ZNF320: variants seen among roughly 807,000 people sequenced by gnomAD.
ZNF320 encodes the protein zinc finger gene 320.
In ZNF320, 2 loss-of-function variants were observed where a neutral mutation model predicts 6.8. The observed-to-expected ratio is 0.29, with a 90% CI of 0.12 to 0.93. The LOEUF is 0.93. Among genes scored for constraint, ZNF320 ranks in the 40% least tolerant of loss-of-function variants. The pLI is 0.55. For synonymous variants in ZNF320, 208 were observed against 203.2 expected, an observed-to-expected ratio of 1.02 and a Z score of -0.20; for missense variants, 472 against 611.0, an observed-to-expected ratio of 0.77 and a Z score of 2.40.
intron 5 of ZNF320, among the ~76,000 whole-genome samples, chr19:52,870,747 C>G (rs4803016): frequency 0.18 from 27,022 of 151,934 alleles, 2,962 homozygotes; most frequent in Non-Finnish European, 0.24. Context: ...GCCTGGGCAA[C>G]AGAGGGAGAC....
chr19:52,864,308 C>T (rs10407970), intron 5 of ZNF320: 78,597 of 153,814 alleles, frequency 0.51, 20,608 homozygotes, highest in African/African-American at 0.61. Flanking sequence ...TTTTCTCTAT[C>T]GTTGCATTTT....
In ZNF320 at chr19:52,881,267, C is replaced by G; in HGVS notation, c.859G>C (p.Val287Leu). ...ECGKTFARNSVLVIHKAVHTA... is the reference protein window; with the variant it reads ...ECGKTFARNSLLVIHKAVHTA... ...TGAACTGCCTTATGAATTACGAGGACTGAATTTCGAGCGAAGGTCTTGCCA... is the reference window on the plus strand; with the variant it reads ...TGAACTGCCTTATGAATTACGAGGAGTGAATTTCGAGCGAAGGTCTTGCCA... The change falls in exon 6 of 6, where the codon GTC (valine) becomes CTC (leucine). Residue 287 changes from valine to leucine, a missense_variant. Val to Leu is a conservative substitution (Grantham distance 32). This residue lies in a region of ZNF320 where 462 missense variants were observed against 559.7 expected (regional missense o/e 0.83). Coordinates refer to ENST00000682928, the MANE Select transcript of ZNF320 (RefSeq NM_001351774.2). 1 of 1,613,820 alleles carries G rather than the reference C, an allele frequency of 6.2e-7. No homozygotes were observed. Among genetic ancestry groups the G allele is most frequent in the Non-Finnish European group, 8.5e-7 (1 of 1,179,978 alleles).
chr19:52,896,431 G>A (rs1292403666), intron 1 of ZNF320, among the ~76,000 whole-genome samples: 1 of 152,116 alleles, frequency 6.6e-6, no homozygotes, highest in African/African-American at 2.4e-5. Flanking sequence ...GAAACAAGGC[G>A]GGCATGGTGG....
At position 52,880,679 on chromosome 19, in the gene ZNF320, G is replaced by A. The variant is rs1265160273; in HGVS notation, c.1447C>T (p.Leu483Phe). Reference protein sequence around the residue: ...QCGKVFSLRSLLAEHQKIPFG... With the variant: ...QCGKVFSLRSFLAEHQKIPFG... ...GGAATTTTCTGATGTTCTGCAAGGA[G>A]TGACCTCAGACTAAAGACCTTGCCA... is the stretch of plus-strand genomic sequence containing the variant. The change falls in exon 6 of 6, where the codon CTC (leucine) becomes TTC (phenylalanine). Residue 483 changes from leucine (L) to phenylalanine (F), a missense_variant. This residue lies in a region of ZNF320 where 462 missense variants were observed against 559.7 expected (regional missense o/e 0.83). Transcript: ENST00000682928. 1 of 1,613,828 alleles carries A rather than the reference G, an allele frequency of 6.2e-7. No homozygotes were observed. Among genetic ancestry groups the A allele is most frequent in the African/African-American group, 1.3e-5 (1 of 74,934 alleles).
downstream of ZNF320, among the ~76,000 whole-genome samples, chr19:52,875,218 A>G (rs969898258): frequency 9.2e-5 from 14 of 152,040 alleles, no homozygotes; most frequent in African/African-American, 2.4e-4. Context: ...CATCTGAGAC[A>G]TGTAGGACTG....
At position 52,877,618 on chromosome 19, in the gene ZNF320, G is replaced by A. The variant is rs190519503; in HGVS notation, c.*2978C>T. The A allele has an allele frequency of 1.3e-5, 2 of 152,210 alleles. No homozygotes were observed. The highest frequency in any genetic ancestry group is 1.9e-4 in the East Asian group (1 of 5,168). 9.4% of individuals were successfully genotyped at this position (152,210 alleles called of 1,614,324 possible). ...TTAGGGTGGAGATCTTGAGGTTCCCGGTTTGGGAGGGGCATATGTAGCTTT... is the reference window on the plus strand; with the variant it reads ...TTAGGGTGGAGATCTTGAGGTTCCCAGTTTGGGAGGGGCATATGTAGCTTT... On this transcript the variant is annotated 3_prime_UTR_variant, in exon 6 of 6. Coordinates refer to ENST00000682928, the MANE Select transcript of ZNF320 (RefSeq NM_001351774.2).
upstream of ZNF320, among the ~76,000 whole-genome samples, chr19:52,897,903 C>T (rs2064524401): frequency 6.6e-6 from 1 of 152,196 alleles, no homozygotes; most frequent in Non-Finnish European, 1.5e-5. Context: ...CTGAGCTTTC[C>T]TCCATCTCGC....
Position 52,881,871 on chromosome 19 carries a change from A to G in ZNF320, c.255T>C (p.Phe85=), listed in dbSNP as rs369319379. 6.2e-7 allele frequency: 1 copy of G among 1,613,924 alleles called. No homozygotes were observed. The highest frequency in any genetic ancestry group is 8.5e-7 in the Non-Finnish European group (1 of 1,179,858). ...TGTCTTTCTCAATTTCCTGGGAGCA[A>G]AATGCTCCAATGTGATAACTTGCTT... is the stretch of plus-strand genomic sequence containing the variant. ...QRQASYHIGA[F]CSQEIEKDIH... Residue 85 remains phenylalanine (F), a synonymous_variant, in exon 6 of 6, where the codon TTT becomes TTC. Transcript: ENST00000682928.
upstream of ZNF320, among the ~76,000 whole-genome samples, chr19:52,901,914 ATTTT>A (rs34240773): frequency 6.8e-6 from 1 of 147,854 alleles, no homozygotes; most frequent in African/African-American, 2.5e-5. Context: ...TTCAACTGCC[ATTTT>A]TTTTTTTCTT....
chr19:52,874,313 CCTTCAGGACACAGAT>C (rs1239659078), downstream of ZNF320: 1 of 165,356 alleles, frequency 6.0e-6, no homozygotes, highest in East Asian at 1.8e-4. Flanking sequence ...AGGACACAGA[CCTTCAGGACACAGAT>C]CTGGCCCTAA....
Position 52,881,386 on chromosome 19 carries a change from C to A in ZNF320, c.740G>T (p.Cys247Phe). The change falls in exon 6 of 6, where the codon TGT becomes TTT. Residue 247 changes from cysteine to phenylalanine, a missense_variant. Physicochemically the swap from Cys to Phe is radical, Grantham distance 205. Around this residue, in one of 2 missense-constraint regions of ZNF320, gnomAD observed 462 missense variants for 559.7 expected, o/e 0.83. Transcript: ENST00000682928. ...ACTAAAGGTCTTGCCACACTCATTA[C>A]ACTTATAAGGTTTCTCTCCAGTATG... ...RSHTGEKPYK[C>F]NECGKTFSQT... is the part of the protein sequence containing the mutation. 7.4e-6 allele frequency: 12 copies of A among 1,614,058 alleles called. No homozygotes were observed. The highest frequency in any genetic ancestry group is 9.3e-6 in the Non-Finnish European group (11 of 1,179,984).
At chr19:52,887,390 A>G (rs973893692) in intron 5 of ZNF320, among the ~76,000 whole-genome samples, 3 of 152,312 alleles carry the variant, frequency 2.0e-5, no homozygotes, top group African/African-American at 4.8e-5. Flanking sequence ...CCAGCCCTAT[A>G]TTTCTGTAGG....
Position 52,881,124 on chromosome 19 carries a change from G to C in ZNF320, c.1002C>G (p.Cys334Trp). ...TGEKPYRCEECDKVFSRKSHL... is the reference protein window; with the variant it reads ...TGEKPYRCEEWDKVFSRKSHL... ...GTGATTTGCGACTGAAAACTTTGTC[G>C]CATTCTTCACATCTGTAAGGTTTCT... is the stretch of plus-strand genomic sequence containing the variant. Residue 334 changes from cysteine (C) to tryptophan (W), a missense_variant, in exon 6 of 6, where the codon TGC (cysteine) becomes TGG (tryptophan). Transcript: ENST00000682928. 6.2e-7 allele frequency: 1 copy of C among 1,613,236 alleles called. No individual in the cohort carries two copies.
chr19:52,872,750 C>G (rs2063702069), downstream of ZNF320, among the ~76,000 whole-genome samples: 1 of 152,124 alleles, frequency 6.6e-6, no homozygotes, highest in African/African-American at 2.4e-5. Context: ...ATCTGCCTGC[C>G]TCGGCCTCCC....
intron 5 of ZNF320, among the ~76,000 whole-genome samples, chr19:52,865,700 T>C (rs2063544805): frequency 7.7e-6 from 1 of 129,960 alleles, no homozygotes; most frequent in Non-Finnish European, 1.5e-5. Flanking sequence ...ATTATACATA[T>C]ATTTATATAT....
intron 5 of ZNF320, chr19:52,865,539 G>A (rs113582015): frequency 8.1e-6 from 1 of 122,930 alleles, no homozygotes; most frequent in African/African-American, 3.5e-5. Flanking sequence ...ATTTATATAT[G>A]ATTATACATA....
chr19:52,898,268 C>T (rs1028395103), upstream of ZNF320, among the ~76,000 whole-genome samples: 2 of 152,158 alleles, frequency 1.3e-5, no homozygotes, highest in Non-Finnish European at 2.9e-5. Context: ...TCAGGGCCAC[C>T]GCCTGGGGTG....
intron 5 of ZNF320, chr19:52,865,477 T>TATATATATATATATGTAATAC (rs1568692755): frequency 2.3e-5 from 1 of 43,986 alleles, no homozygotes; most frequent in African/African-American, 8.2e-5. Flanking sequence ...ATATTACATA[T>TATATATATATATATGTAATAC]ATATATAATA....
chr19:52,869,149 T>C (rs1038787065), intron 5 of ZNF320, among the ~76,000 whole-genome samples: 6 of 152,040 alleles, frequency 3.9e-5, no homozygotes, highest in Non-Finnish European at 8.8e-5. Context: ...ATCTTGAGCT[T>C]GGAAGAAAGT....
Sources: gnomAD v4.1 joint callset for allele counts (sites outside exome capture counted in the v4.1 genomes callset) on GRCh38, gnomAD v4.1.1 for gene constraint, gnomAD v4.1.1 regional missense constraint, MANE v1.5 for transcripts, NCBI Gene and HGNC (gene_info 2026-07-23, HGNC 2026-07-21) for gene names.